STK3: variants seen among roughly 807,000 people sequenced by gnomAD.
STK3 encodes serine/threonine-protein kinase 3.
Under a neutral mutation model 58.0 loss-of-function variants are expected in STK3, and 41 were observed. That is an observed-to-expected ratio of 0.71 (90% CI 0.55 to 0.92). STK3 has a LOEUF of 0.92. Ranked by LOEUF, STK3 falls within the 40% of genes least tolerant of loss-of-function variation. The pLI is 0.00. For missense variants in STK3, 479 were observed against 602.7 expected, an observed-to-expected ratio of 0.79 and a Z score of 2.15; for synonymous variants, 170 against 191.0, an observed-to-expected ratio of 0.89 and a Z score of 0.91.
intron 3 of STK3, among the ~76,000 whole-genome samples, chr8:98,866,677 G>A (rs1046305074): frequency 2.0e-5 from 3 of 152,228 alleles, no homozygotes; most frequent in African/African-American, 7.2e-5. Flanking sequence ...TCTGAATGTA[G>A]AGGTTCATTG....
intron 6 of STK3, among the ~76,000 whole-genome samples, chr8:98,620,771 GA>G (rs1343840861): frequency 1.3e-5 from 2 of 151,854 alleles, no homozygotes; most frequent in African/African-American, 4.8e-5. Flanking sequence ...ACACACACAA[GA>G]AATTGACAAA....
chr8:98,921,131 C>T (rs1267171671), intron 1 of STK3: 4 of 152,236 alleles, frequency 2.6e-5, no homozygotes. Flanking sequence ...TGATGATATG[C>T]TCACAATATT....
chr8:98,684,053 C>T (rs1181909709), intron 6 of STK3, among the ~76,000 whole-genome samples: 2 of 152,150 alleles, frequency 1.3e-5, no homozygotes, highest in African/African-American at 4.8e-5. Context: ...GAATTCTCTG[C>T]CCCAGAAACA....
intron 1 of STK3, among the ~76,000 whole-genome samples, chr8:98,913,827 C>A (rs1263890551): frequency 6.6e-6 from 1 of 152,248 alleles, no homozygotes; most frequent in African/African-American, 2.4e-5. Context: ...CTGGCAGCCA[C>A]AGGCTGAGAT....
chr8:98,893,488 GAAAGAA>G (rs1564087331), intron 1 of STK3, among the ~76,000 whole-genome samples: 24 of 59,024 alleles, frequency 4.1e-4, no homozygotes, highest in South Asian at 1.3e-3. Context: ...GAAAGAAAGA[GAAAGAA>G]AGAAAGAAAG....
chr8:98,668,000 C>T (rs904015256), intron 6 of STK3, among the ~76,000 whole-genome samples: 1 of 152,054 alleles, frequency 6.6e-6, no homozygotes, highest in African/African-American at 2.4e-5. Context: ...GAGTATTAGA[C>T]ACTTTCTCAG....
intron 3 of STK3, among the ~76,000 whole-genome samples, chr8:98,752,884 G>T (rs1243703117): frequency 6.6e-6 from 1 of 150,738 alleles, no homozygotes; most frequent in Non-Finnish European, 1.5e-5. Flanking sequence ...TTACAGAAAT[G>T]CAAATCAAAA....
chr8:98,739,024 C>A (rs986414767), intron 4 of STK3, among the ~76,000 whole-genome samples: 1 of 152,224 alleles, frequency 6.6e-6, no homozygotes, highest in African/African-American at 2.4e-5. Context: ...TGCAAGGCAG[C>A]GGCGAGGCTG....
chr8:98,765,810 C>T (rs1351109195), intron 3 of STK3, among the ~76,000 whole-genome samples: 2 of 152,190 alleles, frequency 1.3e-5, no homozygotes, highest in African/African-American at 4.8e-5. Context: ...TAATAAATCC[C>T]TCTGTGGTTA....
chr8:98,371,128 G>A (rs1448319257), downstream of STK3, among the ~76,000 whole-genome samples: 6 of 152,164 alleles, frequency 3.9e-5, no homozygotes, highest in African/African-American at 1.4e-4. Flanking sequence ...GGTTGTTTGT[G>A]CCTGCAGGAC....
chr8:98,408,920 T>C lies in STK3; in HGVS notation n.484-7407A>G, dbSNP rs536949594. On this transcript the variant is annotated intron_variant and non_coding_transcript_variant, in intron 3 of 3. Transcript: ENST00000517832. The stretch of plus-strand genomic sequence containing the variant: ...TATCCTATTATCCAGCTGTGTCTCC[T>C]ACCATGTGACCCAATTTTGAGTTTG... 2.6e-4 allele frequency among the ~76,000 whole-genome samples: 39 copies of C among 152,362 alleles called. 1 individual carries two copies. The South Asian group carries it at 3.1e-3, about 12-fold the overall frequency.
chr8:98,636,470 A>T (rs1350138597), intron 6 of STK3, among the ~76,000 whole-genome samples: 2 of 152,234 alleles, frequency 1.3e-5, no homozygotes, highest in African/African-American at 4.8e-5. Flanking sequence ...ATGTTAAAAT[A>T]CAAGGGAAGA....
intron 6 of STK3, among the ~76,000 whole-genome samples, chr8:98,694,055 T>C (rs1259718260): frequency 6.6e-6 from 1 of 152,212 alleles, no homozygotes; most frequent in Non-Finnish European, 1.5e-5. Flanking sequence ...TGTGTTTTAC[T>C]TTTTGATATG....
chr8:98,375,474 C>T (rs1241867414), intron 2 of STK3, among the ~76,000 whole-genome samples: 1 of 152,050 alleles, frequency 6.6e-6, no homozygotes, highest in Non-Finnish European at 1.5e-5. Flanking sequence ...TTTTAACATA[C>T]AGATTCATTT....
At chr8:98,770,805 G>C (rs557728793) in intron 2 of STK3, among the ~76,000 whole-genome samples, 1 of 152,278 alleles carries the variant, frequency 6.6e-6, no homozygotes, top group Non-Finnish European at 1.5e-5. Context: ...CACAAGAGAA[G>C]TGGCAACAGC....
chr8:98,702,479 G>A (rs746320544), intron 6 of STK3, among the ~76,000 whole-genome samples: 10 of 152,074 alleles, frequency 6.6e-5, no homozygotes, highest in Non-Finnish European at 1.3e-4. Flanking sequence ...GTATTAATTT[G>A]TGGCCACTTA....
chr8:98,628,857 A>T (rs1225433954), intron 6 of STK3, among the ~76,000 whole-genome samples: 1 of 151,364 alleles, frequency 6.6e-6, no homozygotes, highest in Non-Finnish European at 1.5e-5. Context: ...TGTGCCTATA[A>T]ATGGAAGACA....
chr8:98,573,002 C>T (rs1813085269), intron 8 of STK3, among the ~76,000 whole-genome samples: 1 of 152,054 alleles, frequency 6.6e-6, no homozygotes, highest in Non-Finnish European at 1.5e-5. Context: ...TGAATATGGA[C>T]AGGACCAAGT....
At chr8:98,527,270 T>C (rs914329327) in intron 9 of STK3, among the ~76,000 whole-genome samples, 2 of 152,158 alleles carry the variant, frequency 1.3e-5, no homozygotes, top group South Asian at 2.1e-4. Flanking sequence ...TTGGTGGGCT[T>C]TTTTTCTTTG....
Sources: allele counts gnomAD v4.1 joint callset (sites outside exome capture counted in the v4.1 genomes callset), GRCh38; gene constraint gnomAD v4.1.1; transcripts MANE v1.5; gene names NCBI Gene and HGNC (gene_info 2026-07-23, HGNC 2026-07-21).